Variants in SLC4A4 observed in about 807,000 individuals in gnomAD.
The protein encoded by SLC4A4 is electrogenic sodium bicarbonate cotransporter 1.
In SLC4A4, 27 loss-of-function variants were observed where a neutral mutation model predicts 111.5. That is an observed-to-expected ratio of 0.24 (90% CI 0.18 to 0.33). The LOEUF is 0.33. Ranked by LOEUF, SLC4A4 falls within the 10% of genes least tolerant of loss-of-function variation. The pLI is 1.00. For synonymous variants in SLC4A4, 443 were observed against 463.4 expected (o/e 0.96, Z 0.57); for missense variants, 909 against 1,315.5 (o/e 0.69, Z 4.78).
chr4:71,263,524 G>A (rs192602413), intron 3 of SLC4A4, among the ~76,000 whole-genome samples: 225 of 152,230 alleles, frequency 1.5e-3, no homozygotes, highest in Admixed American at 4.3e-3. Context: ...TACCCATTAG[G>A]TTAAAATAAT....
Position 71,447,671 on chromosome 4 carries a change from A to C in SLC4A4, c.991A>C (p.Lys331Gln). The change falls in exon 9 of 26, where the codon AAG becomes CAG. Residue 331 changes from lysine to glutamine, a missense_variant. Physicochemically the swap from Lys to Gln is moderately conservative, Grantham distance 53. Transcript: ENST00000264485. ...GTTCTTGTTCATTCTCTTAGGTCCT[A>C]AGGGGAAAGCCAAGTCCTACCACGA... ...TRFLFILLGP[K>Q]GKAKSYHEIG... 1 of 1,612,446 alleles carries C rather than the reference A, an allele frequency of 6.2e-7. No individual in the cohort carries two copies. The highest frequency in any genetic ancestry group is 2.2e-5 in the East Asian group (1 of 44,816).
At chr4:71,210,676 G>A (rs752350217) in intron 1 of SLC4A4, among the ~76,000 whole-genome samples, 1 of 152,190 alleles carries the variant, frequency 6.6e-6, no homozygotes, top group African/African-American at 2.4e-5. Context: ...GGAACACTGT[G>A]TAAACAAAAT....
At chr4:71,473,140 G>T (rs11540161) in intron 14 of SLC4A4, 170 bp downstream of exon 14, 1 of 772,810 alleles carries the variant, frequency 1.3e-6, no homozygotes. Context: ...AGGTATTTTA[G>T]CTGTATGATT....
At position 71,531,703 on chromosome 4, in the gene SLC4A4, G is replaced by A. The variant is rs531700992; in HGVS notation, c.2167-359G>A. ...GTGACCTTCATGTTGCAAGCAGGAT[G>A]AGTTTATACAGTATCTCAGGGGTAC... On this transcript the variant is annotated intron_variant, in intron 16 of 25. Transcript: ENST00000264485. Among the ~76,000 whole-genome samples the A allele has an allele frequency of 1.2e-4, 18 of 150,540 alleles. No homozygotes were observed. The South Asian group carries it at 3.8e-3, about 32-fold the overall frequency.
intron 24 of SLC4A4, among the ~76,000 whole-genome samples, chr4:71,564,373 T>C (rs2149257900): frequency 6.6e-6 from 1 of 152,016 alleles, no homozygotes; most frequent in African/African-American, 2.4e-5. Context: ...TTAGCAATCA[T>C]GAAGTATTAG....
At chr4:71,152,945 CTA>C (rs1195662786) in intron 2 of SLC4A4, among the ~76,000 whole-genome samples, 3 of 142,276 alleles carry the variant, frequency 2.1e-5, no homozygotes, top group African/African-American at 7.8e-5. Flanking sequence ...TATATATATC[CTA>C]TATATATGTG....
chr4:71,462,321 G>A (rs1202726104), intron 12 of SLC4A4, among the ~76,000 whole-genome samples: 1 of 151,528 alleles, frequency 6.6e-6, no homozygotes, highest in African/African-American at 2.4e-5. Flanking sequence ...GTAGAACTGA[G>A]ATTTAAATTC....
In SLC4A4 at chr4:71,560,208, A is replaced by C; in HGVS notation, c.3053A>C (p.Lys1018Thr). Residue 1018 changes from lysine to threonine, a missense_variant, in exon 23 of 26, where the codon AAG becomes ACG. Around this residue, in one of 7 missense-constraint regions of SLC4A4, gnomAD observed 85 missense variants for 79.8 expected, o/e 1.07. Coordinates refer to ENST00000264485, the MANE Select transcript of SLC4A4 (RefSeq NM_001098484.3). ...EKDKKKKEDE[K>T]KKKKKKGSLD... ...GACAAGAAAAAGAAGGAGGATGAGA[A>C]GAAAAAGAAAAAGAAGAAGGGAAGT... The C allele has an allele frequency of 1.2e-6, 2 of 1,610,438 alleles. No individual in the cohort carries two copies. Among genetic ancestry groups the C allele is most frequent in the Non-Finnish European group, 8.5e-7 (1 of 1,177,754 alleles).
intron 3 of SLC4A4, among the ~76,000 whole-genome samples, chr4:71,258,622 C>T (rs1037541573): frequency 1.3e-5 from 2 of 152,224 alleles, no homozygotes; most frequent in Admixed American, 1.3e-4. Context: ...AAGACGTAAG[C>T]ATTGCTTTAA....
At chr4:71,204,112 A>G (rs1391758372) in intron 1 of SLC4A4, among the ~76,000 whole-genome samples, 1 of 152,214 alleles carries the variant, frequency 6.6e-6, no homozygotes, top group Non-Finnish European at 1.5e-5. Context: ...TATTTGATCT[A>G]ATGGTCTAAA....
chr4:71,361,054 C>G (rs984896775), intron 6 of SLC4A4, among the ~76,000 whole-genome samples: 1 of 152,168 alleles, frequency 6.6e-6, no homozygotes, highest in African/African-American at 2.4e-5. Context: ...ACCCTGAGAA[C>G]AGAGGGAAAT....
intron 3 of SLC4A4, among the ~76,000 whole-genome samples, chr4:71,322,144 CT>C (rs950349307): frequency 6.6e-6 from 1 of 151,794 alleles, no homozygotes; most frequent in East Asian, 1.9e-4. Flanking sequence ...GGAATGTCAC[CT>C]TTTTTCAAAT....
At chr4:71,350,601 C>A (rs73826274) in intron 5 of SLC4A4, among the ~76,000 whole-genome samples, 1 of 151,938 alleles carries the variant, frequency 6.6e-6, no homozygotes. Flanking sequence ...ACAAGCTCTC[C>A]GAAAAAGAAC....
At chr4:71,542,598 T>G (rs192236242) in intron 18 of SLC4A4, among the ~76,000 whole-genome samples, 3 of 152,232 alleles carry the variant, frequency 2.0e-5, no homozygotes, top group Non-Finnish European at 2.9e-5. Context: ...TTTACATAGT[T>G]TTTCACGTAC....
chr4:71,546,789 T>C (rs184023227), intron 19 of SLC4A4, among the ~76,000 whole-genome samples: 1 of 152,118 alleles, frequency 6.6e-6, no homozygotes, highest in East Asian at 1.9e-4. Flanking sequence ...TTACTTTTTT[T>C]CAACATGCAG....
rs74502017 is a variant in SLC4A4 at position 71,570,567 on chromosome 4, A to G, written c.*2816A>G. 9 of 152,330 alleles carry G rather than the reference A, an allele frequency of 5.9e-5. No individual in the cohort carries two copies. In the East Asian group the frequency reaches 1.6e-3, roughly 26 times the overall value. The allele number at this position is 152,330 out of a possible 1,614,324, so 9.4% of individuals were successfully genotyped here. A position where few individuals can be genotyped will look rare whatever the true frequency, so the allele number is the denominator to read the frequency against. ...ATGCAAACTGGACACAAATTACAAC[A>G]GTAAATTTTTTTATAAGTGCTTCTC... On this transcript the variant is annotated 3_prime_UTR_variant, in exon 26 of 26. Coordinates refer to ENST00000264485, the MANE Select transcript of SLC4A4 (RefSeq NM_001098484.3).
At chr4:71,375,513 C>G (rs1473194009) in intron 6 of SLC4A4, among the ~76,000 whole-genome samples, 1 of 152,212 alleles carries the variant, frequency 6.6e-6, no homozygotes, top group Non-Finnish European at 1.5e-5. Context: ...GGCCCACATT[C>G]TCCTTGAAGG....
In SLC4A4 at chr4:71,497,620, C is replaced by A; in HGVS notation, c.2094C>A (p.Ile698=). The A allele has an allele frequency of 3.1e-6, 5 of 1,613,702 alleles. No individual in the cohort carries two copies. Among genetic ancestry groups the A allele is most frequent in the Non-Finnish European group, 3.4e-6 (4 of 1,179,770 alleles). The change falls in exon 16 of 26, where the codon ATC becomes ATA. Residue 698 remains isoleucine (I), a synonymous_variant. Transcript: ENST00000264485. ...CTGATATCACACTCATGTCTTTTATCCTCTTCTTGGGAACCTACACCTCTT... is the reference window on the plus strand; with the variant it reads ...CTGATATCACACTCATGTCTTTTATACTCTTCTTGGGAACCTACACCTCTT... ...FVPDITLMSF[I]LFLGTYTSSM... is the part of the protein sequence containing the mutation.
At chr4:71,364,207 C>G (rs1396010772) in intron 6 of SLC4A4, among the ~76,000 whole-genome samples, 1 of 152,148 alleles carries the variant, frequency 6.6e-6, no homozygotes, top group Admixed American at 6.5e-5. Flanking sequence ...ACCATCATTT[C>G]CAGAGGTTTC....
Sources: gnomAD v4.1 joint callset for allele counts (sites outside exome capture counted in the v4.1 genomes callset) on GRCh38, gnomAD v4.1.1 for gene constraint, gnomAD v4.1.1 regional missense constraint, MANE v1.5 for transcripts, NCBI Gene and HGNC (gene_info 2026-07-23, HGNC 2026-07-21) for gene names.